The following ZNF568 variants were observed in gnomAD, a reference collection of about 807,000 sequenced individuals.
ZNF568 encodes the protein zinc finger protein 568, also known as p53 inhibitor of SCO2 activation.
Under a neutral mutation model 18.1 loss-of-function variants are expected in ZNF568, and 11 were observed. That is an observed-to-expected ratio of 0.61 (90% CI 0.38 to 1.00). The LOEUF (loss-of-function observed/expected upper bound fraction) is 1.00. Among genes scored for constraint, ZNF568 ranks in the 50% least tolerant of loss-of-function variants. The pLI, the probability that ZNF568 is intolerant of heterozygous loss-of-function variation, is 0.01. For synonymous variants in ZNF568, 213 were observed against 246.6 expected, an observed-to-expected ratio of 0.86 and a Z score of 1.28; for missense variants, 639 against 768.2, an observed-to-expected ratio of 0.83 and a Z score of 1.99.
At chr19:36,956,396 C>T (rs1298295580), downstream of ZNF568, among the ~76,000 whole-genome samples, 2 of 152,242 alleles carry the variant, frequency 1.3e-5, no homozygotes, top group South Asian at 2.1e-4. Context: ...TAGAGCTCCC[C>T]AGGGAACAAA....
chr19:36,946,204 C>T (rs11880782), intron 6 of ZNF568, among the ~76,000 whole-genome samples: 38,220 of 151,938 alleles, frequency 0.25, 5,627 homozygotes, highest in East Asian at 0.6. Context: ...TCTGGACTTC[C>T]GCTGCTGTTT....
chr19:36,943,934 G>GT (rs1367620766), intron 6 of ZNF568, among the ~76,000 whole-genome samples: 3 of 152,062 alleles, frequency 2.0e-5, no homozygotes, highest in African/African-American at 7.2e-5. Context: ...AATCTTGTAA[G>GT]TTTCCCGCTC....
chr19:36,978,543 T>C (rs1346948069), intron 7 of ZNF568, among the ~76,000 whole-genome samples: 2 of 152,116 alleles, frequency 1.3e-5, no homozygotes, highest in African/African-American at 2.4e-5. Context: ...CCAGTTAATC[T>C]TCCACACGTT....
At chr19:36,954,649 A>G (rs826307), downstream of ZNF568, among the ~76,000 whole-genome samples, 54,294 of 150,978 alleles carry the variant, frequency 0.36, 10,033 homozygotes, top group African/African-American at 0.41. Context: ...GGCTCACTGC[A>G]ACCTCTGCCT....
downstream of ZNF568, chr19:36,980,046 T>C (rs1231248206): frequency 6.6e-6 from 1 of 152,150 alleles, no homozygotes; most frequent in Non-Finnish European, 1.5e-5. Context: ...CAATTTTATG[T>C]CATTTCTAAT....
intron 2 of ZNF568, among the ~76,000 whole-genome samples, chr19:36,922,358 C>G (rs1396954386): frequency 6.6e-6 from 1 of 152,124 alleles, no homozygotes; most frequent in Non-Finnish European, 1.5e-5. Context: ...TCCAAATGTG[C>G]AAGACAGAAG....
chr19:36,969,781 ATTTTTTTTTTTTTT>A (rs200089198), intron 6 of ZNF568, among the ~76,000 whole-genome samples: 2,025 of 77,176 alleles, frequency 0.026, 45 homozygotes, highest in African/African-American at 0.06. Context: ...CCATCTCAAG[ATTTTTTTTTTTTTT>A]TTTTTTTTTT....
In ZNF568 at chr19:36,951,836, C is replaced by A; in HGVS notation, c.*748C>A. The A allele has an allele frequency of 2.0e-6, 1 of 500,690 alleles. No individual in the cohort carries two copies. Among genetic ancestry groups the A allele is most frequent in the Non-Finnish European group, 2.6e-6 (1 of 387,898 alleles). The allele number at this position is 500,690 out of a possible 1,614,324, so 31.0% of individuals were successfully genotyped here. The stretch of plus-strand genomic sequence containing the variant: ...TAGAGACGGGGTTTCACCATGTTGG[C>A]CAGGGTAGTCTTGAACTCCTGACTT... On this transcript the variant is annotated 3_prime_UTR_variant, in exon 7 of 7. Coordinates refer to ENST00000333987, the MANE Select transcript of ZNF568 (RefSeq NM_198539.4).
At chr19:36,982,663 G>A (rs1277645957), downstream of ZNF568, among the ~76,000 whole-genome samples, 3 of 152,106 alleles carry the variant, frequency 2.0e-5, no homozygotes, top group Non-Finnish European at 4.4e-5. Flanking sequence ...CCAGGATCGC[G>A]CCATTGCACT....
At chr19:36,965,031 A>T (rs2074184226) in intron 6 of ZNF568, among the ~76,000 whole-genome samples, 1 of 152,172 alleles carries the variant, frequency 6.6e-6, no homozygotes, top group African/African-American at 2.4e-5. Context: ...CTATACAAAG[A>T]CTTGTACAAC....
chr19:36,997,764 A>G (rs2074492771), downstream of ZNF568: 2 of 598,220 alleles, frequency 3.3e-6, no homozygotes, highest in Non-Finnish European at 5.6e-6. Flanking sequence ...GAGAAAGTTC[A>G]TACTGATTTG....
At chr19:36,961,917 T>C (rs1454106790) in intron 6 of ZNF568, among the ~76,000 whole-genome samples, 1 of 145,254 alleles carries the variant, frequency 6.9e-6, no homozygotes, top group African/African-American at 2.5e-5. Context: ...GCTCAAGCAG[T>C]CCTCCCACCT....
chr19:36,976,444 C>G (rs1299578369), intron 7 of ZNF568: 1 of 152,050 alleles, frequency 6.6e-6, no homozygotes, highest in African/African-American at 2.4e-5. Flanking sequence ...ATGGGGTTTA[C>G]AAAAATTCTT....
intron 6 of ZNF568, among the ~76,000 whole-genome samples, chr19:36,967,382 G>A (rs1234187940): frequency 6.6e-6 from 1 of 152,126 alleles, no homozygotes; most frequent in African/African-American, 2.4e-5. Flanking sequence ...TGGCCAACAT[G>A]GTGAAACCTC....
intron 4 of ZNF568, among the ~76,000 whole-genome samples, chr19:36,933,901 TTTTTTTTTTGTTTTGTTTTTTTG>T (rs1331886733): frequency 2.7e-5 from 1 of 36,558 alleles, no homozygotes; most frequent in Non-Finnish European, 5.9e-5. Context: ...TTGGGTAGGT[TTTTTTTTTTGTTTTGTTTTTTTG>T]TTTTTTTTTT....
Position 36,949,978 on chromosome 19 carries a change from A to G in ZNF568, c.825A>G (p.Glu275=). The G allele has an allele frequency of 1.9e-6, 3 of 1,613,690 alleles. No individual in the cohort carries two copies. Among genetic ancestry groups the G allele is most frequent in the Non-Finnish European group, 2.5e-6 (3 of 1,179,882 alleles). ...CACATCAGAAAATTCATACTGGGGA[A>G]AAACCGTATAAGTGTAATGAATGTG... is the stretch of plus-strand genomic sequence containing the variant. ...LITHQKIHTG[E]KPYKCNECGK... Residue 275 remains glutamate (E), a synonymous_variant, in exon 7 of 7, where the codon GAA becomes GAG. Transcript: ENST00000333987.
chr19:36,974,826 AT>A (rs3053253), intron 7 of ZNF568, among the ~76,000 whole-genome samples: 3,987 of 132,230 alleles, frequency 0.03, 123 homozygotes, highest in African/African-American at 0.082. Flanking sequence ...TTGCTTACCA[AT>A]TTTTTTTTTT....
intron 6 of ZNF568, among the ~76,000 whole-genome samples, chr19:36,974,123 A>T (rs1321178375): frequency 2.0e-5 from 3 of 152,136 alleles, no homozygotes; most frequent in African/African-American, 7.2e-5. Flanking sequence ...GGGTCCATTT[A>T]AGCTGTGTCT....
At chr19:36,917,994 G>C (rs1242815967) in intron 2 of ZNF568, among the ~76,000 whole-genome samples, 2 of 152,134 alleles carry the variant, frequency 1.3e-5, no homozygotes, top group East Asian at 3.9e-4. Flanking sequence ...TGTCACCCAG[G>C]CTGGAGTGCA....
Sources: allele counts gnomAD v4.1 joint callset (sites outside exome capture counted in the v4.1 genomes callset), GRCh38; gene constraint gnomAD v4.1.1; transcripts MANE v1.5; gene names NCBI Gene and HGNC (gene_info 2026-07-23, HGNC 2026-07-21).